CPEB1: variants seen among roughly 807,000 people sequenced by gnomAD.
The protein encoded by CPEB1 is cytoplasmic polyadenylation element-binding protein 1.
Under a neutral mutation model 65.8 loss-of-function variants are expected in CPEB1, and 7 were observed. That is an observed-to-expected ratio of 0.11 (90% CI 0.06 to 0.20). The LOEUF is 0.20. Among genes scored for constraint, CPEB1 ranks in the 10% least tolerant of loss-of-function variants. The probability of loss-of-function intolerance (pLI) is 1.00; values close to 1 mark genes in which losing one functional copy is unlikely to be tolerated. For missense variants in CPEB1, 551 were observed against 712.2 expected (o/e 0.77, Z 2.58); for synonymous variants, 262 against 260.0 (o/e 1.01, Z -0.08).
chr15:82,565,382 T>C (rs1166607879), intron 4 of CPEB1, among the ~76,000 whole-genome samples: 1 of 152,196 alleles, frequency 6.6e-6, no homozygotes, highest in Non-Finnish European at 1.5e-5. Flanking sequence ...CATGAGACCA[T>C]ACCTGCCCTA....
intron 6 of CPEB1, among the ~76,000 whole-genome samples, chr15:82,555,625 C>T (rs1294954899): frequency 2.6e-5 from 4 of 152,230 alleles, no homozygotes; most frequent in Admixed American, 2.0e-4. Context: ...GAGCCAGCTC[C>T]TTGTGCTGTG....
Position 82,549,054 on chromosome 15 carries a change from T to A in CPEB1, c.1480+406A>T, listed in dbSNP as rs76170677. The stretch of plus-strand genomic sequence containing the variant: ...TCCTCCTCCAGCCTGACCTGGTCTC[T>A]GACCTTAGACAATGCCAGAGCTTTT... On this transcript the variant is annotated intron_variant, in intron 10 of 12. Coordinates refer to ENST00000684509, the MANE Select transcript of CPEB1 (RefSeq NM_001365242.1). 7.5e-3 allele frequency among the ~76,000 whole-genome samples: 1,148 copies of A among 152,388 alleles called. 12 individuals carry two copies. Among genetic ancestry groups the A allele is most frequent in the African/African-American group, 0.025 (1,046 of 41,594 alleles).
chr15:82,556,065 TG>T lies in CPEB1; in HGVS notation c.744del (p.Arg249GlufsTer4). On this transcript the variant is annotated frameshift_variant, in exon 6 of 13. Coordinates refer to ENST00000684509, the MANE Select transcript of CPEB1 (RefSeq NM_001365242.1). LOFTEE classifies it high-confidence loss of function. ...LPFLSLSGGG[P>X]RDPLKMGVGS... ...CCTACCCCCATCTTTAAAGGGTCTCTGGGACCACCCCCTGACAGAGACAGGA... is the reference window on the plus strand; with the variant it reads ...CCTACCCCCATCTTTAAAGGGTCTCTGGACCACCCCCTGACAGAGACAGGA... 6.2e-7 allele frequency: 1 copy of T among 1,611,464 alleles called. No individual in the cohort carries two copies.
intron 1 of CPEB1, chr15:82,629,403 G>T: frequency 1.0e-6 from 1 of 984,766 alleles, no homozygotes; most frequent in Non-Finnish European, 1.2e-6. Flanking sequence ...TTTATTAACT[G>T]GCATGAGAAG....
intron 3 of CPEB1, among the ~76,000 whole-genome samples, chr15:82,617,097 G>A (rs191030048): frequency 3.3e-4 from 50 of 152,260 alleles, no homozygotes; most frequent in Admixed American, 9.8e-4. Context: ...GGCAACCACC[G>A]ATCTCCCTGC....
At chr15:82,597,529 C>G (rs2042758333) in intron 3 of CPEB1, among the ~76,000 whole-genome samples, 2 of 152,042 alleles carry the variant, frequency 1.3e-5, no homozygotes, top group Admixed American at 1.3e-4. Flanking sequence ...TCTTACTTTC[C>G]AAGGAAAAAC....
At chr15:82,643,243 G>A (rs1252751063) in intron 1 of CPEB1, among the ~76,000 whole-genome samples, 1 of 152,152 alleles carries the variant, frequency 6.6e-6, no homozygotes, top group Non-Finnish European at 1.5e-5. Flanking sequence ...CCAGGATACA[G>A]GTAAGAAAGC....
intron 3 of CPEB1, among the ~76,000 whole-genome samples, chr15:82,613,414 G>A (rs929360179): frequency 1.3e-5 from 2 of 152,100 alleles, no homozygotes; most frequent in Non-Finnish European, 2.9e-5. Context: ...TGGAGACAGT[G>A]TCTGGCTGTG....
intron 1 of CPEB1, among the ~76,000 whole-genome samples, chr15:82,644,552 T>C (rs1256581159): frequency 6.6e-6 from 1 of 152,206 alleles, no homozygotes; most frequent in Non-Finnish European, 1.5e-5. Flanking sequence ...TAAAATTTTT[T>C]TAATGCTACA....
At chr15:82,614,812 A>G (rs553567303) in intron 3 of CPEB1, among the ~76,000 whole-genome samples, 1 of 152,240 alleles carries the variant, frequency 6.6e-6, no homozygotes, top group South Asian at 2.1e-4. Flanking sequence ...GACTTACAGT[A>G]TAAACAGAAA....
In CPEB1 at chr15:82,564,916, C is replaced by G. The variant is rs980734536; in HGVS notation, c.460+6428G>C. Among the ~76,000 whole-genome samples the G allele has an allele frequency of 3.0e-4, 46 of 152,026 alleles. 1 individual carries two copies. The highest frequency in any genetic ancestry group is 7.9e-4 in the Admixed American group (12 of 15,248). ...AAAGAGTGTCTCACTGAATTATATA[C>G]CAACCACATAGAAAAACGGGGAAAG... On this transcript the variant is annotated intron_variant, in intron 4 of 12. Coordinates refer to ENST00000684509, the MANE Select transcript of CPEB1 (RefSeq NM_001365242.1).
At chr15:82,614,848 A>AGTGTGTGTGT (rs752486940) in intron 3 of CPEB1, among the ~76,000 whole-genome samples, 2 of 143,900 alleles carry the variant, frequency 1.4e-5, no homozygotes, top group Non-Finnish European at 3.1e-5. Flanking sequence ...TTAAAATATA[A>AGTGTGTGTGT]GTGTGTGTGT....
At chr15:82,599,144 T>TATTA (rs1190519119) in intron 3 of CPEB1, among the ~76,000 whole-genome samples, 4 of 151,346 alleles carry the variant, frequency 2.6e-5, no homozygotes, top group Non-Finnish European at 5.9e-5. Flanking sequence ...ATGAAAAACT[T>TATTA]AATAATGAGG....
chr15:82,641,561 T>C (rs1450444067), intron 1 of CPEB1: 3 of 152,154 alleles, frequency 2.0e-5, no homozygotes, highest in Non-Finnish European at 2.9e-5. Flanking sequence ...ACACTCTTAG[T>C]CAAGTTACTC....
At chr15:82,554,594 C>A (rs1349120494) in intron 6 of CPEB1, among the ~76,000 whole-genome samples, 2 of 152,318 alleles carry the variant, frequency 1.3e-5, no homozygotes, top group Admixed American at 1.3e-4. Flanking sequence ...TTCCTTGATG[C>A]CAGCATGGTA....
chr15:82,604,648 A>G (rs867902394), intron 3 of CPEB1, among the ~76,000 whole-genome samples: 2 of 152,232 alleles, frequency 1.3e-5, no homozygotes, highest in South Asian at 2.1e-4. Flanking sequence ...CTGCAATGAA[A>G]AATTCACTAC....
At chr15:82,551,731 T>G (rs138267793) in intron 9 of CPEB1, among the ~76,000 whole-genome samples, 75 of 152,332 alleles carry the variant, frequency 4.9e-4, no homozygotes, top group African/African-American at 1.8e-3. Flanking sequence ...CCGCACTGAT[T>G]CCTGAGCTCA....
intron 3 of CPEB1, among the ~76,000 whole-genome samples, chr15:82,583,773 T>C (rs1210213607): frequency 6.6e-6 from 1 of 152,196 alleles, no homozygotes; most frequent in Non-Finnish European, 1.5e-5. Flanking sequence ...CATTTGGCAG[T>C]CTGCTAAAAC....
chr15:82,579,437 AAAC>A (rs1452128518), intron 3 of CPEB1, among the ~76,000 whole-genome samples: 2 of 151,520 alleles, frequency 1.3e-5, no homozygotes, highest in South Asian at 2.1e-4. Context: ...ACAAAAAACA[AAAC>A]AAGCATTTCC....
Sources: allele counts gnomAD v4.1 joint callset (sites outside exome capture counted in the v4.1 genomes callset), GRCh38; gene constraint gnomAD v4.1.1; transcripts MANE v1.5; gene names NCBI Gene and HGNC (gene_info 2026-07-23, HGNC 2026-07-21).